The following ME3 variants were observed in gnomAD, a reference collection of about 807,000 sequenced individuals.
The protein encoded by ME3 is malic enzyme 3.
Under a neutral mutation model 68.9 loss-of-function variants are expected in ME3, and 48 were observed. The observed-to-expected ratio is 0.70, with a 90% confidence interval of 0.55 to 0.89. ME3 has a LOEUF of 0.89. Among genes scored for constraint, ME3 ranks in the 40% least tolerant of loss-of-function variants. ME3 has a pLI of 0.00. For missense variants in ME3, 675 were observed against 797.4 expected, an observed-to-expected ratio of 0.85 and a Z score of 1.85; for synonymous variants, 320 against 318.8, an observed-to-expected ratio of 1.00 and a Z score of -0.04.
At chr11:86,583,042 G>A (rs1033291953) in intron 2 of ME3, among the ~76,000 whole-genome samples, 10 of 152,004 alleles carry the variant, frequency 6.6e-5, no homozygotes, top group Non-Finnish European at 1.5e-4. Context: ...GCATTTTTAT[G>A]GCTGAAAGTT....
intron 2 of ME3, among the ~76,000 whole-genome samples, chr11:86,575,288 A>G (rs1958038707): frequency 6.8e-6 from 1 of 147,058 alleles, no homozygotes; most frequent in Non-Finnish European, 1.5e-5. Context: ...CCAAGTTACT[A>G]GGATAAATGC....
intron 4 of ME3, among the ~76,000 whole-genome samples, chr11:86,530,492 A>C (rs1011942895): frequency 1.3e-5 from 2 of 152,218 alleles, no homozygotes; most frequent in African/African-American, 2.4e-5. Context: ...GAATTGGAAA[A>C]AACTACTTTA....
At chr11:86,632,734 C>G (rs1944095878) in intron 2 of ME3, among the ~76,000 whole-genome samples, 1 of 152,206 alleles carries the variant, frequency 6.6e-6, no homozygotes, top group South Asian at 2.1e-4. Context: ...CTCCAGAGAC[C>G]TTGGGTGGGC....
At chr11:86,544,207 G>A (rs1956224776) in intron 4 of ME3, among the ~76,000 whole-genome samples, 1 of 152,298 alleles carries the variant, frequency 6.6e-6, no homozygotes, top group East Asian at 1.9e-4. Flanking sequence ...AAGCAGGAAA[G>A]ATCTAAAACT....
exon 14 of ME3, chr11:86,442,905 T>C (rs749415033): frequency 6.2e-7 from 1 of 1,612,246 alleles, no homozygotes; most frequent in African/African-American, 1.3e-5. Context: ...GCTCAGAGAC[T>C]TCCTGGGCAA....
intron 2 of ME3, chr11:86,667,693 T>C (rs1040311307): frequency 6.6e-6 from 1 of 152,018 alleles, no homozygotes; most frequent in Admixed American, 6.6e-5. Context: ...ATAAGACAAA[T>C]AGGAGGGGAC....
intron 2 of ME3, among the ~76,000 whole-genome samples, chr11:86,636,712 G>A (rs1037394750): frequency 6.6e-6 from 1 of 152,196 alleles, no homozygotes; most frequent in African/African-American, 2.4e-5. Context: ...TGCTGTGTGT[G>A]ATCTTGAACA....
intron 8 of ME3, among the ~76,000 whole-genome samples, chr11:86,453,108 C>T (rs1245792605): frequency 1.3e-5 from 2 of 152,122 alleles, no homozygotes; most frequent in Non-Finnish European, 2.9e-5. Context: ...AGGCAATTCT[C>T]CTGGCTCAGC....
At chr11:86,538,537 C>G (rs1412095487) in intron 4 of ME3, among the ~76,000 whole-genome samples, 1 of 152,196 alleles carries the variant, frequency 6.6e-6, no homozygotes, top group Non-Finnish European at 1.5e-5. Context: ...AGTTCACAAT[C>G]TGACAATTCT....
At chr11:86,573,873 C>T (rs1204265982) in intron 2 of ME3, among the ~76,000 whole-genome samples, 1 of 152,188 alleles carries the variant, frequency 6.6e-6, no homozygotes, top group Non-Finnish European at 1.5e-5. Flanking sequence ...GCCTTTTCTG[C>T]ATCTATTGAG....
At chr11:86,560,240 T>G (rs1008525471) in intron 2 of ME3, among the ~76,000 whole-genome samples, 7 of 152,126 alleles carry the variant, frequency 4.6e-5, no homozygotes, top group African/African-American at 1.7e-4. Context: ...CCCATGCTAT[T>G]CTTGTGATAG....
rs2305928 is a variant in ME3, at chr11:86,446,273, G to C, written c.1554+41C>G. The C allele has an allele frequency of 5.8e-5, 93 of 1,607,180 alleles. No homozygotes were observed. The East Asian group carries it at 2.1e-3, about 35-fold the overall frequency. On this transcript the variant is annotated intron_variant, in intron 13 of 14. Coordinates refer to ENST00000543262, the Ensembl canonical transcript of ME3. ...GTATAGGACCCAGTGTCAACCCACA[G>C]ACCCTACTGCAAGCATTTGAGGGAG...
chr11:86,532,942 C>A (rs940221238), intron 4 of ME3, among the ~76,000 whole-genome samples: 21 of 152,096 alleles, frequency 1.4e-4, no homozygotes, highest in African/African-American at 5.1e-4. Flanking sequence ...ATCCTGGCTA[C>A]TCAGGAGGCT....
At chr11:86,639,666 A>T (rs560209489) in intron 2 of ME3, among the ~76,000 whole-genome samples, 1 of 152,130 alleles carries the variant, frequency 6.6e-6, no homozygotes, top group East Asian at 1.9e-4. Flanking sequence ...GTTGATCTTG[A>T]TGATATCTGG....
chr11:86,544,737 G>C (rs1024062174), intron 4 of ME3, among the ~76,000 whole-genome samples: 1 of 152,134 alleles, frequency 6.6e-6, no homozygotes, highest in Non-Finnish European at 1.5e-5. Context: ...GTACAAAGAG[G>C]AACTGGTACC....
chr11:86,560,367 G>GT (rs1273603847), intron 2 of ME3, among the ~76,000 whole-genome samples: 3 of 152,194 alleles, frequency 2.0e-5, no homozygotes, highest in Non-Finnish European at 4.4e-5. Context: ...TACTATGATT[G>GT]TAAGTTTCCT....
intron 2 of ME3, among the ~76,000 whole-genome samples, chr11:86,616,368 T>G (rs943693847): frequency 6.6e-6 from 1 of 152,244 alleles, no homozygotes. Flanking sequence ...CATCACTTTA[T>G]TAGGAAATTC....
At chr11:86,613,886 A>G (rs1942771171) in intron 2 of ME3, among the ~76,000 whole-genome samples, 1 of 152,234 alleles carries the variant, frequency 6.6e-6, no homozygotes, top group Non-Finnish European at 1.5e-5. Context: ...GAAAATGGTC[A>G]TACTGCCTAA....
At chr11:86,569,304 C>T (rs1297565651) in intron 2 of ME3, among the ~76,000 whole-genome samples, 1 of 152,198 alleles carries the variant, frequency 6.6e-6, no homozygotes, top group African/African-American at 2.4e-5. Flanking sequence ...CTTTGCAGCC[C>T]TGTGTGTTCT....
Sources: allele counts gnomAD v4.1 joint callset (sites outside exome capture counted in the v4.1 genomes callset), GRCh38; gene constraint gnomAD v4.1.1; transcripts MANE v1.5; gene names NCBI Gene and HGNC (gene_info 2026-07-23, HGNC 2026-07-21).